Variants in CNTNAP2 observed in about 807,000 individuals in gnomAD.
The protein encoded by CNTNAP2 is contactin-associated protein-like 2.
A neutral mutation model predicts 155.2 loss-of-function variants in CNTNAP2; 98 were observed. That is an observed-to-expected ratio of 0.63 (90% CI 0.54 to 0.75). The LOEUF (loss-of-function observed/expected upper bound fraction) is 0.75. Ranked by LOEUF, CNTNAP2 falls within the 30% of genes least tolerant of loss-of-function variation. The pLI is 0.00. For synonymous variants in CNTNAP2, 651 were observed against 631.2 expected, an observed-to-expected ratio of 1.03 and a Z score of -0.47; for missense variants, 1,727 against 1,688.1, an observed-to-expected ratio of 1.02 and a Z score of -0.40.
intron 22 of CNTNAP2, among the ~76,000 whole-genome samples, chr7:148,398,238 A>G (rs894138201): frequency 6.6e-6 from 1 of 152,170 alleles, no homozygotes; most frequent in Non-Finnish European, 1.5e-5. Flanking sequence ...CTCCTCATCT[A>G]TGTATTATAC....
intron 14 of CNTNAP2, among the ~76,000 whole-genome samples, chr7:147,912,286 T>A (rs1397100238): frequency 6.6e-6 from 1 of 152,188 alleles, no homozygotes; most frequent in Non-Finnish European, 1.5e-5. Context: ...CACACACAGA[T>A]AAGGGTTAGC....
intron 1 of CNTNAP2, among the ~76,000 whole-genome samples, chr7:146,193,146 T>A (rs1233677967): frequency 6.6e-6 from 1 of 152,182 alleles, no homozygotes; most frequent in Non-Finnish European, 1.5e-5. Flanking sequence ...CCCAGCTGCT[T>A]TCATGGGCTG....
chr7:146,722,702 C>G (rs558883374), intron 1 of CNTNAP2, among the ~76,000 whole-genome samples: 58 of 150,000 alleles, frequency 3.9e-4, no homozygotes, highest in Middle Eastern at 3.4e-3. Flanking sequence ...TGCGTCCACA[C>G]ACACACAAAA....
At chr7:146,597,309 C>T (rs1375235799) in intron 1 of CNTNAP2, among the ~76,000 whole-genome samples, 2 of 151,970 alleles carry the variant, frequency 1.3e-5, no homozygotes, top group East Asian at 1.9e-4. Context: ...CTATAATATC[C>T]GTGAGCATGT....
chr7:146,955,391 C>T (rs1468342591), intron 3 of CNTNAP2, among the ~76,000 whole-genome samples: 3 of 151,920 alleles, frequency 2.0e-5, no homozygotes, highest in East Asian at 3.8e-4. Context: ...ATATGCCACA[C>T]AAGTGTCTCT....
At chr7:146,604,928 G>A (rs1171851310) in intron 1 of CNTNAP2, among the ~76,000 whole-genome samples, 1 of 106,112 alleles carries the variant, frequency 9.4e-6, no homozygotes, top group East Asian at 3.2e-4. Context: ...CTGTTGTGGG[G>A]TGGGGGGAGG....
intron 8 of CNTNAP2, among the ~76,000 whole-genome samples, chr7:147,144,526 C>T (rs1801662403): frequency 6.6e-6 from 1 of 152,054 alleles, no homozygotes; most frequent in African/African-American, 2.4e-5. Context: ...GATCTATTGG[C>T]AGGTACGTTT....
At chr7:147,630,106 C>A (rs1795057892) in intron 12 of CNTNAP2, among the ~76,000 whole-genome samples, 1 of 151,352 alleles carries the variant, frequency 6.6e-6, no homozygotes, top group Non-Finnish European at 1.5e-5. Context: ...AGAGAAGATC[C>A]AAATGTCAAT....
At chr7:148,128,939 C>T (rs1472144888) in intron 16 of CNTNAP2, among the ~76,000 whole-genome samples, 1 of 152,166 alleles carries the variant, frequency 6.6e-6, no homozygotes, top group African/African-American at 2.4e-5. Context: ...CTCTCCACAT[C>T]GCCTTTCCTC....
At chr7:146,230,645 T>A (rs2116912461) in intron 1 of CNTNAP2, among the ~76,000 whole-genome samples, 1 of 152,346 alleles carries the variant, frequency 6.6e-6, no homozygotes, top group Admixed American at 6.5e-5. Context: ...CTGGCTCCAC[T>A]ATTTGTTATC....
intron 15 of CNTNAP2, among the ~76,000 whole-genome samples, chr7:148,065,349 ACTTT>A (rs1251944568): frequency 6.6e-6 from 1 of 152,018 alleles, no homozygotes; most frequent in Non-Finnish European, 1.5e-5. Context: ...TTCTTTGTTG[ACTTT>A]CTGTCTTGAT....
At chr7:147,394,943 T>C (rs1389360879) in intron 9 of CNTNAP2, among the ~76,000 whole-genome samples, 3 of 151,624 alleles carry the variant, frequency 2.0e-5, no homozygotes, top group African/African-American at 7.3e-5. Context: ...TACCATATTA[T>C]GGTATTTTAT....
chr7:146,653,124 C>T lies in CNTNAP2; in HGVS notation c.98-121147C>T, dbSNP rs536100312. ...TGAAAATTGAGAGGTTGCCAGCTCA[C>T]GTTCTTTTCTTTCTCACTAAAGAGT... On this transcript the variant is annotated intron_variant, in intron 1 of 23. Coordinates refer to ENST00000361727, the MANE Select transcript of CNTNAP2 (RefSeq NM_014141.6). 2.3e-4 allele frequency among the ~76,000 whole-genome samples: 35 copies of T among 152,186 alleles called. No homozygotes were observed. The South Asian group carries it at 4.8e-3, about 21-fold the overall frequency.
chr7:147,432,529 C>G (rs1308405904), intron 10 of CNTNAP2, among the ~76,000 whole-genome samples: 1 of 152,150 alleles, frequency 6.6e-6, no homozygotes, highest in Non-Finnish European at 1.5e-5. Context: ...TGTTGTGAGT[C>G]TCATTGGTTA....
chr7:148,253,273 T>G (rs1796402322), intron 20 of CNTNAP2, among the ~76,000 whole-genome samples: 1 of 152,104 alleles, frequency 6.6e-6, no homozygotes, highest in African/African-American at 2.4e-5. Context: ...ATCCTAAAGA[T>G]CAATGAGGCT....
intron 8 of CNTNAP2, among the ~76,000 whole-genome samples, chr7:147,249,519 G>T (rs1804139775): frequency 7.0e-6 from 1 of 143,468 alleles, no homozygotes; most frequent in South Asian, 2.2e-4. Context: ...CACCAACAAT[G>T]GTCTCTTGAT....
chr7:147,156,647 G>C (rs1038085607), intron 8 of CNTNAP2, among the ~76,000 whole-genome samples: 3 of 152,150 alleles, frequency 2.0e-5, no homozygotes, highest in Admixed American at 1.3e-4. Context: ...AAAAGGTACA[G>C]CTCTTCTAAG....
intron 1 of CNTNAP2, among the ~76,000 whole-genome samples, chr7:146,462,488 C>G (rs1796651449): frequency 6.6e-6 from 1 of 152,116 alleles, no homozygotes; most frequent in South Asian, 2.1e-4. Flanking sequence ...CCCTTCTGAC[C>G]TTGGTGTTTT....
chr7:146,325,446 A>G (rs1403106184), intron 1 of CNTNAP2, among the ~76,000 whole-genome samples: 1 of 152,054 alleles, frequency 6.6e-6, no homozygotes, highest in East Asian at 1.9e-4. Flanking sequence ...ATGAAAACCT[A>G]CAATATTCAG....
Sources: gnomAD v4.1 joint callset for allele counts (sites outside exome capture counted in the v4.1 genomes callset) on GRCh38, gnomAD v4.1.1 for gene constraint, MANE v1.5 for transcripts, NCBI Gene and HGNC (gene_info 2026-07-23, HGNC 2026-07-21) for gene names.